Variants in UGT1A10 observed in about 807,000 individuals in gnomAD.
UGT1A10 encodes UDP-glucuronosyltransferase 1A10.
UGT1A10 carries 49 observed loss-of-function variants against 45.8 expected under a neutral mutation model. The ratio of observed to expected loss-of-function variants is 1.07; its 90% confidence interval spans 0.85 to 1.36. The LOEUF is 1.36. UGT1A10 is among the 40% of genes most tolerant of loss of function. The probability of loss-of-function intolerance (pLI) is 0.00; values close to 1 mark genes in which losing one functional copy is unlikely to be tolerated. For missense variants in UGT1A10, 745 were observed against 668.6 expected (o/e 1.11, Z -1.26); for synonymous variants, 284 against 249.7 (o/e 1.14, Z -1.29).
chr2:233,724,121 C>T (rs2077171215), intron 1 of UGT1A10, among the ~76,000 whole-genome samples: 1 of 117,216 alleles, frequency 8.5e-6, no homozygotes. Context: ...GCAGAGGCGC[C>T]CCTCACCTCC....
chr2:233,661,461 G>A lies in UGT1A10; in HGVS notation c.855+24084G>A, dbSNP rs535517496. 5.3e-5 allele frequency among the ~76,000 whole-genome samples: 8 copies of A among 152,204 alleles called. No homozygotes were observed. In the South Asian group the frequency reaches 1.7e-3, roughly 32 times the overall value. ...TCTTTAACCCACAGATGGAATCCTA[G>A]TTCTTTTTATCCATTAACTCTTTGA... On this transcript the variant is annotated intron_variant, in intron 1 of 4. Coordinates refer to ENST00000344644, the MANE Select transcript of UGT1A10 (RefSeq NM_019075.4).
intron 1 of UGT1A10, among the ~76,000 whole-genome samples, chr2:233,642,718 G>A (rs1170711532): frequency 1.3e-5 from 2 of 152,196 alleles, no homozygotes; most frequent in East Asian, 1.9e-4. Flanking sequence ...AGCTGTTTCT[G>A]CTTTAGGGGG....
At chr2:233,714,005 A>C in intron 1 of UGT1A10, 1 of 1,542,996 alleles carries the variant, frequency 6.5e-7, no homozygotes, top group Non-Finnish European at 8.7e-7. Context: ...CAGTGAGATA[A>C]ACTTTTAAAG....
Position 233,636,801 on chromosome 2 carries a change from C to G in UGT1A10, c.279C>G (p.Phe93Leu). Residue 93 changes from phenylalanine (F) to leucine (L), a missense_variant, in exon 1 of 5, where the codon TTC becomes TTG. Phe to Leu is a conservative substitution (Grantham distance 22). Transcript: ENST00000344644. ...ATCAGAACCGGGAATTCATGGTTTTCGCCCATGCTCAATGGAAAGCACAGG... is the reference window on the plus strand; with the variant it reads ...ATCAGAACCGGGAATTCATGGTTTTGGCCCATGCTCAATGGAAAGCACAGG... ...LEDQNREFMV[F>L]AHAQWKAQAQ... is the part of the protein sequence containing the mutation. The G allele has an allele frequency of 6.2e-7, 1 of 1,614,192 alleles. No homozygotes were observed.
intron 1 of UGT1A10, among the ~76,000 whole-genome samples, chr2:233,647,100 C>G (rs186577515): frequency 2.4e-4 from 37 of 152,280 alleles, no homozygotes; most frequent in African/African-American, 7.7e-4. Flanking sequence ...AGGAAAACTT[C>G]CATTTTTAAA....
chr2:233,660,195 A>AT (rs2073936764), intron 1 of UGT1A10, among the ~76,000 whole-genome samples: 1 of 152,230 alleles, frequency 6.6e-6, no homozygotes, highest in Non-Finnish European at 1.5e-5. Flanking sequence ...CAACAAGGAC[A>AT]TCTTCCACAG....
chr2:233,763,371 A>G (rs1027317735), intron 1 of UGT1A10, among the ~76,000 whole-genome samples: 3 of 152,180 alleles, frequency 2.0e-5, no homozygotes, highest in African/African-American at 7.2e-5. Flanking sequence ...TTTGTCTTCA[A>G]GCTTTCTTCC....
intron 1 of UGT1A10, among the ~76,000 whole-genome samples, chr2:233,667,514 A>T (rs1048032117): frequency 3.3e-5 from 5 of 152,186 alleles, no homozygotes; most frequent in African/African-American, 1.2e-4. Context: ...GTGGCAACAA[A>T]AGCCAAAATT....
chr2:233,643,390 A>G (rs2073511493), intron 1 of UGT1A10, among the ~76,000 whole-genome samples: 1 of 151,952 alleles, frequency 6.6e-6, no homozygotes, highest in African/African-American at 2.4e-5. Flanking sequence ...TTAAGGCCCA[A>G]GGTCTTAAGT....
chr2:233,691,794 T>C (rs1414888702), intron 1 of UGT1A10: 1 of 237,524 alleles, frequency 4.2e-6, no homozygotes, highest in Non-Finnish European at 6.8e-6. Flanking sequence ...GCTAGACTTA[T>C]ACTTCTCAAA....
At chr2:233,691,742 C>T in intron 1 of UGT1A10, 1 of 642,200 alleles carries the variant, frequency 1.6e-6, no homozygotes, top group South Asian at 6.9e-5. Flanking sequence ...AAGCAGATAC[C>T]AGGCTTTCTG....
intron 1 of UGT1A10, among the ~76,000 whole-genome samples, chr2:233,724,428 T>C (rs2077257386): frequency 7.8e-6 from 1 of 128,780 alleles, no homozygotes; most frequent in African/African-American, 3.1e-5. Flanking sequence ...GCGGAGAGGC[T>C]CCTCACTTCT....
chr2:233,647,686 C>T (rs1208007676), intron 1 of UGT1A10, among the ~76,000 whole-genome samples: 3 of 152,170 alleles, frequency 2.0e-5, no homozygotes, highest in Admixed American at 1.3e-4. Context: ...TGAACTTGTT[C>T]ATGTTTCTTA....
intron 1 of UGT1A10, chr2:233,747,696 G>C (rs1693755189): frequency 1.2e-6 from 2 of 1,611,556 alleles, no homozygotes; most frequent in Admixed American, 1.7e-5. Context: ...GGCAGTGCTG[G>C]CTAAGTACCT....
intron 1 of UGT1A10, chr2:233,747,693 C>T: frequency 6.2e-7 from 1 of 1,611,232 alleles, no homozygotes; most frequent in South Asian, 1.1e-5. Flanking sequence ...TGGGGCAGTG[C>T]TGGCTAAGTA....
chr2:233,718,076 T>C (rs2076626842), intron 1 of UGT1A10: 1 of 344,040 alleles, frequency 2.9e-6, no homozygotes, highest in Admixed American at 3.7e-5. Context: ...CTTGCTAGGG[T>C]TGTCTTGCCC....
At chr2:233,679,873 A>G (rs867556852) in intron 1 of UGT1A10, among the ~76,000 whole-genome samples, 1 of 152,192 alleles carries the variant, frequency 6.6e-6, no homozygotes, top group South Asian at 2.1e-4. Flanking sequence ...AGCCTTTCTT[A>G]TAGCAATCCT....
intron 1 of UGT1A10, among the ~76,000 whole-genome samples, chr2:233,643,137 A>G (rs112567580): frequency 1.3e-5 from 2 of 152,332 alleles, no homozygotes; most frequent in African/African-American, 4.8e-5. Context: ...CTCCCTTCAG[A>G]ATGGCAAGGT....
intron 1 of UGT1A10, chr2:233,690,926 C>T (rs990494432): frequency 3.1e-5 from 32 of 1,021,698 alleles, no homozygotes; most frequent in Admixed American, 1.1e-4. Flanking sequence ...ATTTCTTCAG[C>T]TCCTTCCTCC....
Sources: allele counts gnomAD v4.1 joint callset (sites outside exome capture counted in the v4.1 genomes callset), GRCh38; gene constraint gnomAD v4.1.1; transcripts MANE v1.5; gene names NCBI Gene and HGNC (gene_info 2026-07-23, HGNC 2026-07-21).